The following IZUMO4 variants were observed in gnomAD, a reference collection of about 807,000 sequenced individuals.
IZUMO4 encodes the protein IZUMO family member 4.
Under a neutral mutation model 37.1 loss-of-function variants are expected in IZUMO4, and 51 were observed. That is an observed-to-expected ratio of 1.38 (90% CI 1.10 to 1.74). The LOEUF is 1.74. IZUMO4 is among the 40% of genes most tolerant of loss of function. The pLI is 0.00. For synonymous variants in IZUMO4, 162 were observed against 121.4 expected, an observed-to-expected ratio of 1.33 and a Z score of -2.20; for missense variants, 364 against 299.6, an observed-to-expected ratio of 1.21 and a Z score of -1.59.
Position 2,098,031 on chromosome 19 carries a change from C to T in IZUMO4, c.398-21C>T, listed in dbSNP as rs369319810. 1.0e-4 allele frequency: 162 copies of T among 1,613,132 alleles called. 1 individual carries two copies. The highest frequency in any genetic ancestry group is 5.5e-4 in the South Asian group (50 of 91,090). ...CCCTGGAGGCTGAGGGGAGCCCTGGCGGCTCTTGTACGTGTTTCAGGCATC... is the reference window on the plus strand; with the variant it reads ...CCCTGGAGGCTGAGGGGAGCCCTGGTGGCTCTTGTACGTGTTTCAGGCATC... On this transcript the variant is annotated intron_variant, in intron 4 of 9. Transcript: ENST00000395301.
intron 5 of IZUMO4, 41 bp downstream of exon 5, chr19:2,098,168 C>G: frequency 1.2e-6 from 2 of 1,609,202 alleles, no homozygotes; most frequent in Non-Finnish European, 1.7e-6. Context: ...CAGGGCCCTA[C>G]TGTCCCTGGG....
In IZUMO4 at chr19:2,096,916, T is replaced by C. The variant is rs549227643; in HGVS notation, c.-30T>C. 6.3e-6 allele frequency: 10 copies of C among 1,596,766 alleles called. 1 individual carries two copies. In the South Asian group the frequency reaches 8.8e-5, roughly 14 times the overall value. On this transcript the variant is annotated 5_prime_UTR_variant, in exon 1 of 10. Transcript: ENST00000395301. ...GAAGGGTGTGGCGCGAGCAGCGTCG[T>C]TGGTTGGCCGGCGGCGGGCCGGGAC...
At position 2,098,341 on chromosome 19, in the gene IZUMO4, G is replaced by A. The variant is rs777498371; in HGVS notation, c.521+7G>A. 6.2e-7 allele frequency: 1 copy of A among 1,614,052 alleles called. No individual in the cohort carries two copies. The highest frequency in any genetic ancestry group is 2.2e-5 in the East Asian group (1 of 44,890). ...AGGGCCTCCTGAACTACATGTGAGT[G>A]GGGTCTTTGGGTGGCAGCAAGCTCA... On this transcript the variant is annotated splice_region_variant and intron_variant, in intron 6 of 9. Transcript: ENST00000395301.
chr19:2,099,139 G>C (rs1050130207), intron 9 of IZUMO4, 110 bp downstream of exon 9: 1 of 1,389,690 alleles, frequency 7.2e-7, no homozygotes, highest in Non-Finnish European at 1.0e-6. Context: ...GGGTGTCGTG[G>C]ATGTGGCCAC....
rs757192796 is a variant in IZUMO4, at chr19:2,097,161, C to G, written c.216C>G (p.Ile72Met). Reference sequence around the variant, plus strand: ...TGCACCTGGCCATCCCCGCCAAGATCAGTGAGTGCCGGAGCCCAGCCCAGT... The same window carrying G: ...TGCACCTGGCCATCCCCGCCAAGATGAGTGAGTGCCGGAGCCCAGCCCAGT... Reference protein sequence around the residue: ...KELHLAIPAKITREKLDQVAT... With the variant: ...KELHLAIPAKMTREKLDQVAT... Residue 72 changes from isoleucine (I) to methionine (M), a missense_variant and splice_region_variant, in exon 1 of 10, where the codon ATC becomes ATG. Coordinates refer to ENST00000395301, the MANE Select transcript of IZUMO4 (RefSeq NM_001039846.2). 16 of 1,609,586 alleles carry G rather than the reference C, an allele frequency of 9.9e-6. No homozygotes were observed. In the South Asian group the frequency reaches 1.5e-4, roughly 15 times the overall value.
In IZUMO4 at chr19:2,098,271, A is replaced by G. The variant is rs1412143131; in HGVS notation, c.474-16A>G. 4.3e-6 allele frequency: 7 copies of G among 1,613,516 alleles called. No homozygotes were observed. In the Admixed American group the frequency reaches 1.0e-4, roughly 23 times the overall value. On this transcript the variant is annotated splice_polypyrimidine_tract_variant and intron_variant, in intron 5 of 9. Transcript: ENST00000395301. ...TGGGTTCAGGGGCGCACCACTTCCA[A>G]GCCTGTGTCCCACAGGTCCTCGGCG...
intron 9 of IZUMO4, 36 bp downstream of exon 9, chr19:2,099,065 G>A: frequency 1.9e-6 from 3 of 1,597,936 alleles, no homozygotes; most frequent in Non-Finnish European, 2.6e-6. Flanking sequence ...TCGGGAGAAG[G>A]GGTGCTCGTA....
Position 2,099,384 on chromosome 19 carries a change from G to A in IZUMO4, c.*39G>A, listed in dbSNP as rs779900145. On this transcript the variant is annotated 3_prime_UTR_variant, in exon 10 of 10. Coordinates refer to ENST00000395301, the MANE Select transcript of IZUMO4 (RefSeq NM_001039846.2). ...TGCCCCAGGGCAACGTGGGGGCGGA[G>A]ACTCAGCTGGACAGCCCCTGCCTGT... 12 of 1,392,690 alleles carry A rather than the reference G, an allele frequency of 8.6e-6. No individual in the cohort carries two copies. Among genetic ancestry groups the A allele is most frequent in the Admixed American group, 7.6e-5 (4 of 52,696 alleles). The allele number at this position is 1,392,690 out of a possible 1,614,324, so 86.3% of individuals were successfully genotyped here.
chr19:2,098,134 C>A lies in IZUMO4; in HGVS notation c.473+7C>A. On this transcript the variant is annotated splice_region_variant and intron_variant, in intron 5 of 9. Transcript: ENST00000395301. The stretch of plus-strand genomic sequence containing the variant: ...GCTTTGGCTATAACTGCGAGTAGGG[C>A]TCAGGCATCACACCCACCCGTGCCA... 6.2e-7 allele frequency: 1 copy of A among 1,613,404 alleles called. No individual in the cohort carries two copies. The highest frequency in any genetic ancestry group is 1.6e-4 in the Middle Eastern group (1 of 6,062).
At position 2,097,290 on chromosome 19, in the gene IZUMO4, C is replaced by G. The variant is rs552922806; in HGVS notation, c.256C>G (p.Gln86Glu). 13 of 1,612,850 alleles carry G rather than the reference C, an allele frequency of 8.1e-6. No homozygotes were observed. The East Asian group carries it at 2.7e-4, about 33-fold the overall frequency. ...GGACCAAGTGGCGACAGCAGTGTAC[C>G]AGATGATGGATCAGCTGTACCAGGG... ...KLDQVATAVY[Q>E]MMDQLYQGKM... is the part of the protein sequence containing the mutation. Residue 86 changes from glutamine (Q) to glutamate (E), a missense_variant, in exon 2 of 10, where the codon CAG becomes GAG. Physicochemically the swap from Gln to Glu is conservative, Grantham distance 29. Coordinates refer to ENST00000395301, the MANE Select transcript of IZUMO4 (RefSeq NM_001039846.2).
intron 7 of IZUMO4, 95 bp downstream of exon 7, chr19:2,098,545 C>T (rs906365713): frequency 3.6e-5 from 58 of 1,607,854 alleles, no homozygotes; most frequent in Middle Eastern, 1.6e-4. Flanking sequence ...CCTCAGCTCC[C>T]ACGTCCTAGA....
At chr19:2,099,178 G>A in intron 9 of IZUMO4, 77 bp from the exon 10 acceptor site, 1 of 1,425,726 alleles carries the variant, frequency 7.0e-7, no homozygotes, top group Non-Finnish European at 9.9e-7. Context: ...CAGCTGGGAG[G>A]AGAGGCCTGG....
Position 2,099,442 on chromosome 19 carries a change from C to A in IZUMO4, c.*97C>A, listed in dbSNP as rs1306896674. The A allele has an allele frequency of 1.2e-6, 1 of 869,052 alleles. No individual in the cohort carries two copies. The highest frequency in any genetic ancestry group is 1.9e-6 in the Non-Finnish European group (1 of 538,722). The allele number at this position is 869,052 out of a possible 1,614,324, so 53.8% of individuals were successfully genotyped here. A position where few individuals can be genotyped will look rare whatever the true frequency, so the allele number is the denominator to read the frequency against. The stretch of plus-strand genomic sequence containing the variant: ...GAGCTGGGCTGCTGCTGCCTCAGGA[C>A]CCCCTCTCCGACCCCGGACAGAGCT... On this transcript the variant is annotated 3_prime_UTR_variant, in exon 10 of 10. Transcript: ENST00000395301.
rs201516459 is a variant in IZUMO4 at position 2,097,990 on chromosome 19, C to T, written c.397+35C>T. ...GCTCCGTCCAGGCTGAGGGGCGTGC[C>T]GGTGGCAGCTCGGGGCCCTGGAGGC... is the stretch of plus-strand genomic sequence containing the variant. On this transcript the variant is annotated intron_variant, in intron 4 of 9. Coordinates refer to ENST00000395301, the MANE Select transcript of IZUMO4 (RefSeq NM_001039846.2). 1.5e-4 allele frequency: 242 copies of T among 1,613,022 alleles called. 1 individual carries two copies. The highest frequency in any genetic ancestry group is 1.8e-4 in the Admixed American group (11 of 60,004).
In IZUMO4 at chr19:2,099,183, G is replaced by A. The variant is rs1326024555; in HGVS notation, c.609-72G>A. On this transcript the variant is annotated intron_variant, in intron 9 of 9. Transcript: ENST00000395301. Reference sequence around the variant, plus strand: ...CCACACGTCCCAGCTGGGAGGAGAGGCCTGGGGCCCCCAGGGAGGGAGGCA... The same window carrying A: ...CCACACGTCCCAGCTGGGAGGAGAGACCTGGGGCCCCCAGGGAGGGAGGCA... 38 of 1,462,886 alleles carry A rather than the reference G, an allele frequency of 2.6e-5. 1 individual carries two copies. In the South Asian group the frequency reaches 4.1e-4, roughly 16 times the overall value. The allele number at this position is 1,462,886 out of a possible 1,614,324, so 90.6% of individuals were successfully genotyped here. A position where few individuals can be genotyped will look rare whatever the true frequency, so the allele number is the denominator to read the frequency against.
In IZUMO4 at chr19:2,097,460, A is replaced by G. The variant is rs1198941648; in HGVS notation, c.335A>G (p.Glu112Gly). ...AACGAGCTGCGAAACATCTTCCGGG[A>G]GCAGGTGCACCTCATCCAGAACGCC... ...FPNELRNIFR[E>G]QVHLIQNAII... Residue 112 changes from glutamate to glycine, a missense_variant, in exon 3 of 10, where the codon GAG becomes GGG. Coordinates refer to ENST00000395301, the MANE Select transcript of IZUMO4 (RefSeq NM_001039846.2). 1 of 1,607,062 alleles carries G rather than the reference A, an allele frequency of 6.2e-7. No homozygotes were observed. Among genetic ancestry groups the G allele is most frequent in the Non-Finnish European group, 8.5e-7 (1 of 1,177,170 alleles).
chr19:2,099,140 AT>A (rs1277059448), intron 9 of IZUMO4, 111 bp downstream of exon 9: 1 of 1,379,130 alleles, frequency 7.3e-7, no homozygotes, highest in African/African-American at 1.4e-5. Flanking sequence ...GGTGTCGTGG[AT>A]GTGGCCACAC....
chr19:2,098,083 C>T lies in IZUMO4; in HGVS notation c.429C>T (p.Asn143=). 1 of 1,613,536 alleles carries T rather than the reference C, an allele frequency of 6.2e-7. No homozygotes were observed. Residue 143 remains asparagine, a synonymous_variant, in exon 5 of 10, where the codon AAC becomes AAT. Coordinates refer to ENST00000395301, the MANE Select transcript of IZUMO4 (RefSeq NM_001039846.2). ...TCCAGTACGAGACCATCTCCTGCAA[C>T]AACTGCACAGACTCGCACGTCGCCT... The part of the protein sequence containing the change: ...GIFQYETISC[N]NCTDSHVACF...
At chr19:2,097,656 T>G (rs1360929947) in intron 3 of IZUMO4, 161 bp downstream of exon 3, 2 of 752,476 alleles carry the variant, frequency 2.7e-6, no homozygotes, top group African/African-American at 3.4e-5. Flanking sequence ...ACCTGAAGGA[T>G]CAATGCCATC....
Sources: allele counts gnomAD v4.1 joint callset, GRCh38; gene constraint gnomAD v4.1.1; transcripts MANE v1.5; gene names NCBI Gene and HGNC (gene_info 2026-07-23, HGNC 2026-07-21).